The following SMARCB1 variants were observed in gnomAD, a reference collection of about 807,000 sequenced individuals.
SMARCB1 encodes SWI/SNF related BAF chromatin remodeling complex subunit B1.
SMARCB1 carries 5 observed loss-of-function variants against 49.0 expected under a neutral mutation model. The ratio of observed to expected loss-of-function variants is 0.10; its 90% CI spans 0.05 to 0.21. SMARCB1 has a LOEUF of 0.21. Among genes scored for constraint, SMARCB1 ranks in the 10% least tolerant of loss-of-function variants. SMARCB1 has a pLI of 1.00. For missense variants in SMARCB1, 226 were observed against 509.2 expected, an observed-to-expected ratio of 0.44 and a Z score of 5.35; for synonymous variants, 201 against 200.1, an observed-to-expected ratio of 1.00 and a Z score of -0.04.
Position 23,836,555 on chromosome 22 carries a change from TGGCAACCTGTGAGCTCAAAGCTCTGCCA to T in SMARCB1, c.*2383_*2410del. On this transcript the variant is annotated 3_prime_UTR_variant, in exon 9 of 9. Transcript: ENST00000644036. ...CACCTGTGAGCTCAAAAGCTCTGCC[TGGCAACCTGTGAGCTCAAAGCTCTGCCA>T]GGCAACCATGGGCAGTTTCTTTGCC... is the stretch of plus-strand genomic sequence containing the variant. 1 of 1,086,176 alleles carries T rather than the reference TGGCAACCTGTGAGCTCAAAGCTCTGCCA, an allele frequency of 9.2e-7. No homozygotes were observed. Among genetic ancestry groups the T allele is most frequent in the South Asian group, 4.4e-5 (1 of 22,556 alleles). 67.3% of individuals were successfully genotyped at this position (1,086,176 alleles called of 1,614,324 possible).
In SMARCB1 at chr22:23,837,877, C is replaced by T. The variant is rs1369888336; in HGVS notation, c.*3697C>T. On this transcript the variant is annotated 3_prime_UTR_variant, in exon 9 of 9. Coordinates refer to ENST00000644036, the MANE Select transcript of SMARCB1 (RefSeq NM_003073.5). Reference sequence around the variant, plus strand: ...CAGCTGGGCCAGAGTCAAGGTGCTCCGGTGCAGGCCTCAGCCCAAGCCCAG... The same window carrying T: ...CAGCTGGGCCAGAGTCAAGGTGCTCTGGTGCAGGCCTCAGCCCAAGCCCAG... The T allele has an allele frequency of 2.9e-5, 46 of 1,598,714 alleles. No homozygotes were observed. Among genetic ancestry groups the T allele is most frequent in the Non-Finnish European group, 3.8e-5 (44 of 1,171,242 alleles).
At chr22:23,787,480 C>T (rs982495128) in intron 1 of SMARCB1, among the ~76,000 whole-genome samples, 28 of 152,332 alleles carry the variant, frequency 1.8e-4, no homozygotes, top group Admixed American at 3.9e-4. Context: ...AGGTCCGCCG[C>T]CTTCAGTGCT....
At chr22:23,829,248 C>T (rs578147952) in intron 7 of SMARCB1, among the ~76,000 whole-genome samples, 9 of 152,256 alleles carry the variant, frequency 5.9e-5, no homozygotes, top group African/African-American at 1.4e-4. Flanking sequence ...CAGAAAGCAC[C>T]GGAGGCTGTG....
Position 23,787,039 on chromosome 22 carries a change from G to T in SMARCB1, c.-131G>T. 1.7e-6 allele frequency: 1 copy of T among 585,638 alleles called. No homozygotes were observed. Among genetic ancestry groups the T allele is most frequent in the Non-Finnish European group, 3.0e-6 (1 of 335,340 alleles). The allele number at this position is 585,638 out of a possible 1,614,324, so 36.3% of individuals were successfully genotyped here. A position where few individuals can be genotyped will look rare whatever the true frequency, so the allele number is the denominator to read the frequency against. On this transcript the variant is annotated 5_prime_UTR_variant, in exon 1 of 9. Coordinates refer to ENST00000644036, the MANE Select transcript of SMARCB1 (RefSeq NM_003073.5). The stretch of plus-strand genomic sequence containing the variant: ...GCGGCGGCTGAGGAGCCCGGCTGAG[G>T]CGCCAGTACCCGGCCCGGTCCGCAT...
chr22:23,830,649 CTTT>C (rs56800497), intron 7 of SMARCB1, among the ~76,000 whole-genome samples: 8 of 95,414 alleles, frequency 8.4e-5, no homozygotes, highest in African/African-American at 4.2e-4. Flanking sequence ...TCCAATTTAT[CTTT>C]TTTTTTTTTT....
intron 7 of SMARCB1, among the ~76,000 whole-genome samples, chr22:23,831,942 G>A (rs34386036): frequency 0.12 from 18,812 of 152,230 alleles, 1,248 homozygotes; most frequent in South Asian, 0.27. Context: ...CTGCCTCTGC[G>A]TCACCAGTAC....
chr22:23,807,665 A>C (rs192023356), intron 5 of SMARCB1, among the ~76,000 whole-genome samples: 1 of 152,186 alleles, frequency 6.6e-6, no homozygotes, highest in Non-Finnish European at 1.5e-5. Flanking sequence ...AAAGCAATCC[A>C]TGCCAAGACA....
intron 3 of SMARCB1, among the ~76,000 whole-genome samples, chr22:23,794,815 T>G (rs1482233745): frequency 6.6e-6 from 1 of 152,112 alleles, no homozygotes; most frequent in African/African-American, 2.4e-5. Flanking sequence ...GGAGAATTGC[T>G]TGAACCCGGG....
chr22:23,817,129 T>C (rs2146011303), intron 6 of SMARCB1, 193 bp downstream of exon 6: 1 of 623,464 alleles, frequency 1.6e-6, no homozygotes. Context: ...CATAGTAAAG[T>C]GTTATATTCC....
chr22:23,788,075 T>A (rs1928126320), intron 1 of SMARCB1, among the ~76,000 whole-genome samples: 1 of 152,176 alleles, frequency 6.6e-6, no homozygotes, highest in Non-Finnish European at 1.5e-5. Context: ...GGTCTGGCTA[T>A]GTTGCGCAGG....
intron 5 of SMARCB1, among the ~76,000 whole-genome samples, chr22:23,810,935 C>T (rs892282601): frequency 6.6e-6 from 1 of 151,062 alleles, no homozygotes; most frequent in Non-Finnish European, 1.5e-5. Flanking sequence ...GAACGGGAAG[C>T]TGTGGCAGGG....
At chr22:23,787,750 C>T (rs921205468) in intron 1 of SMARCB1, among the ~76,000 whole-genome samples, 1 of 152,160 alleles carries the variant, frequency 6.6e-6, no homozygotes, top group African/African-American at 2.4e-5. Context: ...CTTAGGTGAG[C>T]AGTGGAGGTC....
rs11413092 is a variant in SMARCB1 at position 23,793,781 on chromosome 22, C to CTTTT, written c.362+107_362+110dup. 1,577 of 774,970 alleles carry CTTTT rather than the reference C, an allele frequency of 2.0e-3. 1 individual carries two copies. Among genetic ancestry groups the CTTTT allele is most frequent in the Admixed American group, 3.8e-3 (150 of 39,764 alleles). The allele number at this position is 774,970 out of a possible 1,614,324, so 48.0% of individuals were successfully genotyped here. ...GTTGGGTTGAAGTTAAATTGAAACA[C>CTTTT]TTTTTTTTTTTTTTTTTGAGATGGA... is the stretch of plus-strand genomic sequence containing the variant. On this transcript the variant is annotated intron_variant, in intron 3 of 8. Coordinates refer to ENST00000644036, the MANE Select transcript of SMARCB1 (RefSeq NM_003073.5).
chr22:23,811,159 A>C (rs1470977888), intron 5 of SMARCB1, among the ~76,000 whole-genome samples: 1 of 152,236 alleles, frequency 6.6e-6, no homozygotes, highest in Non-Finnish European at 1.5e-5. Context: ...AAGGACATTA[A>C]ATAATGGTAA....
At chr22:23,821,088 C>T (rs1273600795) in intron 6 of SMARCB1, among the ~76,000 whole-genome samples, 7 of 152,242 alleles carry the variant, frequency 4.6e-5, no homozygotes, top group Non-Finnish European at 8.8e-5. Context: ...CCTCCTGGGG[C>T]TGTTCCCTGC....
At chr22:23,831,723 C>T (rs2030665552) in intron 7 of SMARCB1, among the ~76,000 whole-genome samples, 1 of 152,218 alleles carries the variant, frequency 6.6e-6, no homozygotes, top group Admixed American at 6.5e-5. Context: ...ACATGTTTTG[C>T]TCCCCTCGTT....
chr22:23,837,643 G>A lies in SMARCB1; in HGVS notation c.*3463G>A, dbSNP rs780285452. ...GTGGCCAGCCTGGGGCGGACTAGAT[G>A]TACCGGGAGGCTCACCCAGCAGGTC... is the stretch of plus-strand genomic sequence containing the variant. On this transcript the variant is annotated 3_prime_UTR_variant, in exon 9 of 9. Coordinates refer to ENST00000644036, the MANE Select transcript of SMARCB1 (RefSeq NM_003073.5). The A allele has an allele frequency of 1.9e-6, 3 of 1,609,226 alleles. No individual in the cohort carries two copies. The highest frequency in any genetic ancestry group is 2.2e-5 in the East Asian group (1 of 44,818).
chr22:23,808,159 C>T (rs1209514220), intron 5 of SMARCB1, among the ~76,000 whole-genome samples: 9 of 146,764 alleles, frequency 6.1e-5, no homozygotes, highest in Non-Finnish European at 1.3e-4. Flanking sequence ...GAGTCTCTGT[C>T]GCCCACTCTG....
chr22:23,818,072 C>T (rs886233794), intron 6 of SMARCB1: 1 of 152,128 alleles, frequency 6.6e-6, no homozygotes, highest in Non-Finnish European at 1.5e-5. Context: ...GTGATCCACC[C>T]ACCTCAGCCT....
Sources: gnomAD v4.1 joint callset for allele counts (sites outside exome capture counted in the v4.1 genomes callset) on GRCh38, gnomAD v4.1.1 for gene constraint, MANE v1.5 for transcripts, NCBI Gene and HGNC (gene_info 2026-07-23, HGNC 2026-07-21) for gene names.